The following GNAQ variants were observed in gnomAD, a reference collection of about 807,000 sequenced individuals.
GNAQ encodes the protein guanine nucleotide-binding protein G(q) subunit alpha.
A neutral mutation model predicts 43.9 loss-of-function variants in GNAQ; 8 were observed. The observed-to-expected ratio is 0.18, with a 90% CI of 0.11 to 0.33. The LOEUF (loss-of-function observed/expected upper bound fraction) is 0.33, where lower values mean the gene tolerates loss of function less well. Among genes scored for constraint, GNAQ ranks in the 10% least tolerant of loss-of-function variants. The pLI is 1.00. For missense variants in GNAQ, 158 were observed against 450.8 expected (o/e 0.35, Z 5.88); for synonymous variants, 155 against 170.7 (o/e 0.91, Z 0.71).
rs1459555883 is a variant in GNAQ at position 77,941,342 on chromosome 9, T to G, written c.137-18997A>C. On this transcript the variant is annotated intron_variant, in intron 1 of 6. Coordinates refer to ENST00000286548, the MANE Select transcript of GNAQ (RefSeq NM_002072.5). The stretch of plus-strand genomic sequence containing the variant: ...TTGGCTCAGTACAAGCTCCGCCTCC[T>G]GGGTTCACGCCATTCTCCTGCCTCA... Among the ~76,000 whole-genome samples the G allele has an allele frequency of 9.2e-5, 14 of 151,944 alleles. No individual in the cohort carries two copies. The East Asian group carries it at 2.7e-3, about 30-fold the overall frequency.
intron 1 of GNAQ, among the ~76,000 whole-genome samples, chr9:78,027,476 T>C (rs1441320011): frequency 6.6e-6 from 1 of 151,974 alleles, no homozygotes; most frequent in Non-Finnish European, 1.5e-5. Context: ...AGGAAGAAAA[T>C]CTGTGCTCAT....
At chr9:77,997,399 T>C (rs1306927774) in intron 1 of GNAQ, among the ~76,000 whole-genome samples, 2 of 152,218 alleles carry the variant, frequency 1.3e-5, no homozygotes, top group African/African-American at 4.8e-5. Flanking sequence ...TGCCGCTCTG[T>C]GACCTCCAGC....
intron 1 of GNAQ, among the ~76,000 whole-genome samples, chr9:77,962,061 A>G (rs977584507): frequency 1.3e-5 from 2 of 152,172 alleles, no homozygotes; most frequent in African/African-American, 4.8e-5. Context: ...TAGAAATAAG[A>G]GCAGATGAGA....
chr9:77,964,678 CAAG>C (rs1485309702), intron 1 of GNAQ, among the ~76,000 whole-genome samples: 1 of 151,476 alleles, frequency 6.6e-6, no homozygotes, highest in African/African-American at 2.4e-5. Context: ...ACAAAAACAA[CAAG>C]AAAAACCACT....
chr9:78,028,370 T>C (rs535922269), intron 1 of GNAQ, among the ~76,000 whole-genome samples: 4 of 152,192 alleles, frequency 2.6e-5, no homozygotes, highest in Non-Finnish European at 4.4e-5. Flanking sequence ...AGTTGCCGAA[T>C]ATAAATCAAC....
At chr9:77,976,706 T>C (rs764747658) in intron 1 of GNAQ, among the ~76,000 whole-genome samples, 17 of 149,198 alleles carry the variant, frequency 1.1e-4, no homozygotes, top group Non-Finnish European at 2.3e-4. Flanking sequence ...TGTTTTTTAA[T>C]TCTAGACAAT....
At chr9:77,729,283 T>C (rs1466846364) in intron 5 of GNAQ, among the ~76,000 whole-genome samples, 1 of 152,224 alleles carries the variant, frequency 6.6e-6, no homozygotes, top group Non-Finnish European at 1.5e-5. Context: ...CACTATACTA[T>C]TAATATAGAA....
intron 1 of GNAQ, among the ~76,000 whole-genome samples, chr9:77,998,448 G>C (rs1014186461): frequency 6.6e-6 from 1 of 152,174 alleles, no homozygotes; most frequent in Non-Finnish European, 1.5e-5. Flanking sequence ...CTATACTCCA[G>C]TTCTTATGCA....
chr9:77,955,963 T>C (rs1431175907), intron 1 of GNAQ, among the ~76,000 whole-genome samples: 1 of 152,220 alleles, frequency 6.6e-6, no homozygotes, highest in East Asian at 1.9e-4. Context: ...CGGCAATTTC[T>C]TGGCTATCTT....
intron 5 of GNAQ, among the ~76,000 whole-genome samples, chr9:77,774,376 T>C (rs1826274994): frequency 6.6e-6 from 1 of 152,168 alleles, no homozygotes. Flanking sequence ...GTACTTAATT[T>C]CTCCATTTGC....
intron 2 of GNAQ, among the ~76,000 whole-genome samples, chr9:77,871,503 G>T (rs1181916120): frequency 6.6e-6 from 1 of 152,144 alleles, no homozygotes; most frequent in Non-Finnish European, 1.5e-5. Context: ...TTTTTTAGGG[G>T]TAGAAAGGTG....
intron 1 of GNAQ, among the ~76,000 whole-genome samples, chr9:78,030,874 CGTGTGTGTGTCGCTGTGTGTGT>C (rs1824044992): frequency 6.8e-6 from 1 of 146,324 alleles, no homozygotes; most frequent in African/African-American, 2.6e-5. Flanking sequence ...CCCTGTGCTG[CGTGTGTGTGTCGCTGTGTGTGT>C]GTGTGTGTGT....
At chr9:77,880,105 G>T (rs907446214) in intron 2 of GNAQ, among the ~76,000 whole-genome samples, 5 of 152,184 alleles carry the variant, frequency 3.3e-5, no homozygotes, top group African/African-American at 9.7e-5. Flanking sequence ...TAATCAGTCA[G>T]CTCTTCTAAT....
At chr9:77,750,275 CAG>C (rs1459548291) in intron 5 of GNAQ, among the ~76,000 whole-genome samples, 1 of 152,082 alleles carries the variant, frequency 6.6e-6, no homozygotes. Flanking sequence ...TTATCAGAAA[CAG>C]ATGTTTTTGA....
intron 5 of GNAQ, among the ~76,000 whole-genome samples, chr9:77,780,729 T>C (rs1039635362): frequency 1.3e-5 from 2 of 152,030 alleles, no homozygotes; most frequent in Admixed American, 6.5e-5. Flanking sequence ...TTCTCACCAA[T>C]AGTGTACAAA....
chr9:77,862,008 TAAAAAAAA>T (rs56145947), intron 2 of GNAQ, among the ~76,000 whole-genome samples: 15 of 118,098 alleles, frequency 1.3e-4, no homozygotes, highest in Non-Finnish European at 1.7e-4. Flanking sequence ...CTGTCTGGGG[TAAAAAAAA>T]AAAAAAAAAA....
chr9:77,803,926 T>C (rs1025841400), intron 3 of GNAQ, among the ~76,000 whole-genome samples: 6 of 152,228 alleles, frequency 3.9e-5, no homozygotes, highest in Non-Finnish European at 7.3e-5. Context: ...GGATAATCTC[T>C]GGCTGAAGAA....
chr9:77,780,830 T>C (rs1212671004), intron 5 of GNAQ, among the ~76,000 whole-genome samples: 2 of 152,108 alleles, frequency 1.3e-5, no homozygotes, highest in Non-Finnish European at 2.9e-5. Context: ...GATACTTTAT[T>C]GTGGTTTTAA....
chr9:77,833,216 C>T (rs1433488259), intron 2 of GNAQ, among the ~76,000 whole-genome samples: 1 of 152,202 alleles, frequency 6.6e-6, no homozygotes, highest in Non-Finnish European at 1.5e-5. Flanking sequence ...GATCCACCTG[C>T]CTCAGCCTCC....
Sources: allele counts gnomAD v4.1 joint callset (sites outside exome capture counted in the v4.1 genomes callset), GRCh38; gene constraint gnomAD v4.1.1; transcripts MANE v1.5; gene names NCBI Gene and HGNC (gene_info 2026-07-23, HGNC 2026-07-21).